The following DCDC1 variants were observed in gnomAD, a reference collection of about 807,000 sequenced individuals.
The protein encoded by DCDC1 is doublecortin domain-containing protein 1.
DCDC1 carries 200 observed loss-of-function variants against 178.3 expected under a neutral mutation model. The ratio of observed to expected loss-of-function variants is 1.12; its 90% CI spans 1.00 to 1.26. DCDC1 has a LOEUF of 1.26. Among genes scored for constraint, DCDC1 ranks in the 50% most tolerant of loss-of-function variants. DCDC1 has a pLI of 0.00. For synonymous variants in DCDC1, 690 were observed against 604.8 expected (o/e 1.14, Z -2.07); for missense variants, 1,983 against 1,749.2 (o/e 1.13, Z -2.38).
chr11:31,369,731 G>C lies in DCDC1; in HGVS notation c.-159C>G, dbSNP rs1270588638. 1 of 152,710 alleles carries C rather than the reference G, an allele frequency of 6.5e-6. No individual in the cohort carries two copies. The highest frequency in any genetic ancestry group is 1.5e-5 in the Non-Finnish European group (1 of 68,108). 9.5% of individuals were successfully genotyped at this position (152,710 alleles called of 1,614,324 possible). ...ACGCCACTCCATAGAAGCGGTGACC[G>C]GTTACCATAGAGACCGCGTCGGGGT... is the stretch of plus-strand genomic sequence containing the variant. On this transcript the variant is annotated 5_prime_UTR_variant, in exon 1 of 39. Transcript: ENST00000684477.
At chr11:31,038,672 A>T (rs1217261673) in intron 20 of DCDC1, among the ~76,000 whole-genome samples, 1 of 152,212 alleles carries the variant, frequency 6.6e-6, no homozygotes, top group Non-Finnish European at 1.5e-5. Context: ...GCCTCTCAGC[A>T]GGCTCTCTAC....
intron 7 of DCDC1, among the ~76,000 whole-genome samples, chr11:31,281,525 T>C (rs1267954246): frequency 4.2e-4 from 64 of 152,144 alleles, no homozygotes. Context: ...CATATGGCTT[T>C]TTCCATATTC....
rs1434056418 is a variant in DCDC1, at chr11:30,864,905, C to A, written c.*468G>T. ...ATATATTGTCTCATTTTTCAATGTT[C>A]ATTCTTCAAAATAGGCCCATTGAAA... On this transcript the variant is annotated 3_prime_UTR_variant, in exon 39 of 39. Coordinates refer to ENST00000684477, the MANE Select transcript of DCDC1 (RefSeq NM_001387274.1). The A allele has an allele frequency of 2.0e-5, 3 of 152,180 alleles. No individual in the cohort carries two copies. Among genetic ancestry groups the A allele is most frequent in the Non-Finnish European group, 4.4e-5 (3 of 68,036 alleles). 9.4% of individuals were successfully genotyped at this position (152,180 alleles called of 1,614,324 possible). A position where few individuals can be genotyped will look rare whatever the true frequency, so the allele number is the denominator to read the frequency against.
intron 9 of DCDC1, among the ~76,000 whole-genome samples, chr11:31,159,907 A>G (rs1040140265): frequency 2.0e-5 from 3 of 152,208 alleles, no homozygotes; most frequent in Admixed American, 6.5e-5. Flanking sequence ...TGTCTTTGTA[A>G]TAATAACCCC....
intron 20 of DCDC1, among the ~76,000 whole-genome samples, chr11:31,058,385 A>G (rs1377390498): frequency 1.3e-5 from 2 of 152,216 alleles, no homozygotes; most frequent in African/African-American, 4.8e-5. Context: ...AAATGTAAAG[A>G]AAACACTTCC....
intron 6 of DCDC1, among the ~76,000 whole-genome samples, chr11:31,295,085 C>T (rs111968661): frequency 0.01 from 1,590 of 152,260 alleles, 32 homozygotes; most frequent in African/African-American, 0.036. Context: ...TCTGTAGATG[C>T]TCAAGTCCGT....
At chr11:31,281,128 C>T in intron 7 of DCDC1, 1 of 356,010 alleles carries the variant, frequency 2.8e-6, no homozygotes, top group South Asian at 3.0e-5. Context: ...GAATGTATTC[C>T]TTAGTTCTAC....
At chr11:31,251,499 A>G (rs544051300) in intron 8 of DCDC1, among the ~76,000 whole-genome samples, 1 of 152,004 alleles carries the variant, frequency 6.6e-6, no homozygotes, top group South Asian at 2.1e-4. Context: ...ACTGTAACTA[A>G]CTATGCATAG....
At chr11:31,284,892 G>A (rs1946705657) in intron 7 of DCDC1, among the ~76,000 whole-genome samples, 1 of 151,936 alleles carries the variant, frequency 6.6e-6, no homozygotes, top group Non-Finnish European at 1.5e-5. Flanking sequence ...GCCCACCTTG[G>A]CCTCCCAAGG....
chr11:31,321,263 G>A (rs1219717230), intron 3 of DCDC1, among the ~76,000 whole-genome samples: 2 of 87,292 alleles, frequency 2.3e-5, no homozygotes, highest in Non-Finnish European at 4.6e-5. Context: ...CCTCGTTGCC[G>A]CCTTGCAGTT....
At chr11:31,123,134 C>T (rs938772015) in intron 11 of DCDC1, among the ~76,000 whole-genome samples, 1 of 151,976 alleles carries the variant, frequency 6.6e-6, no homozygotes, top group Admixed American at 6.6e-5. Context: ...CTAGTCTAGA[C>T]AATCAATAAA....
intron 9 of DCDC1, among the ~76,000 whole-genome samples, chr11:31,158,368 C>T (rs1295487723): frequency 5.3e-5 from 8 of 152,032 alleles, no homozygotes; most frequent in African/African-American, 1.4e-4. Context: ...CTGCCCGCCT[C>T]GGCCTCCCAA....
rs1266629608 is a variant in DCDC1 at position 31,270,156 on chromosome 11, A to G, written c.961-4556T>C. 2.0e-5 allele frequency among the ~76,000 whole-genome samples: 3 copies of G among 152,350 alleles called. No homozygotes were observed. In the East Asian group the frequency reaches 5.8e-4, roughly 29 times the overall value. ...AAACTACAGTCCAAAGGCCAATCCC[A>G]GTCCATAGCCTGTTTCTGTGTGGCC... On this transcript the variant is annotated intron_variant, in intron 7 of 38. Transcript: ENST00000684477.
rs761277470 is a variant in DCDC1 at position 31,305,732 on chromosome 11, T to C, written c.637A>G (p.Arg213Gly). 118 of 1,613,718 alleles carry C rather than the reference T, an allele frequency of 7.3e-5. No homozygotes were observed. The highest frequency in any genetic ancestry group is 9.7e-5 in the Non-Finnish European group (115 of 1,179,876). The part of the protein sequence containing the change: ...TEKLNLNMAA[R>G]RVFLADGKEA... ...TTGCCGTCTGCCAAGAACACTCGTC[T>C]TGCGGCCATGTTCAGATTCAGCTTT... The change falls in exon 6 of 39, where the codon AGA becomes GGA. Residue 213 changes from arginine to glycine, a missense_variant. By Grantham distance (125) the Arg-to-Gly change is moderately radical. Coordinates refer to ENST00000684477, the MANE Select transcript of DCDC1 (RefSeq NM_001387274.1).
Position 31,054,938 on chromosome 11 carries a change from A to C in DCDC1, c.2591+9531T>G, listed in dbSNP as rs181720558. ...AGACATTGGCTTAGGTAAGGATTTC[A>C]TGATGAAGAACCTAAAAGCAAATGC... is the stretch of plus-strand genomic sequence containing the variant. On this transcript the variant is annotated intron_variant, in intron 20 of 38. Coordinates refer to ENST00000684477, the MANE Select transcript of DCDC1 (RefSeq NM_001387274.1). Among the ~76,000 whole-genome samples the C allele has an allele frequency of 2.1e-3, 322 of 152,334 alleles. 1 individual carries two copies. The highest frequency in any genetic ancestry group is 6.8e-3 in the African/African-American group (282 of 41,588).
At chr11:30,944,240 C>T (rs1467519716) in intron 21 of DCDC1, 3 of 445,202 alleles carry the variant, frequency 6.7e-6, no homozygotes, top group Non-Finnish European at 1.3e-5. Flanking sequence ...CCTTCCTTTT[C>T]TTGTTTCTTC....
chr11:31,119,328 C>A (rs570265023), intron 11 of DCDC1, among the ~76,000 whole-genome samples: 47 of 152,294 alleles, frequency 3.1e-4, no homozygotes, highest in African/African-American at 1.1e-3. Flanking sequence ...ACTCTCACCA[C>A]AATTCCTTTT....
Position 31,276,991 on chromosome 11 carries a change from T to A in DCDC1, c.961-11391A>T, listed in dbSNP as rs982608967. Among the ~76,000 whole-genome samples, 62 of 152,294 alleles carry A rather than the reference T, an allele frequency of 4.1e-4. 2 individuals carry two copies. Among genetic ancestry groups the A allele is most frequent in the South Asian group, 8.3e-4 (4 of 4,828 alleles). On this transcript the variant is annotated intron_variant, in intron 7 of 38. Transcript: ENST00000684477. ...TAAAATCTACTCTGTTGATTTATAA[T>A]GTACATGAAATAAACTGTACCTATT...
intron 32 of DCDC1, among the ~76,000 whole-genome samples, chr11:30,902,366 C>CT (rs1393173497): frequency 6.6e-6 from 1 of 152,128 alleles, no homozygotes; most frequent in East Asian, 1.9e-4. Context: ...CAATGCCTTG[C>CT]TGTTGGACTT....
Sources: allele counts gnomAD v4.1 joint callset (sites outside exome capture counted in the v4.1 genomes callset), GRCh38; gene constraint gnomAD v4.1.1; transcripts MANE v1.5; gene names NCBI Gene and HGNC (gene_info 2026-07-23, HGNC 2026-07-21).